Variants in CEP126 observed in about 807,000 individuals in gnomAD.
CEP126 encodes the protein centrosomal protein of 126 kDa.
A neutral mutation model predicts 107.8 loss-of-function variants in CEP126; 74 were observed. The ratio of observed to expected loss-of-function variants is 0.69; its 90% CI spans 0.57 to 0.83. CEP126 has a LOEUF of 0.83. CEP126 is among the 40% of genes least tolerant of loss of function. CEP126 has a pLI of 0.00. For synonymous variants in CEP126, 449 were observed against 446.0 expected (o/e 1.01, Z -0.08); for missense variants, 1,237 against 1,281.9 (o/e 0.96, Z 0.53).
intron 2 of CEP126, 67 bp from the exon 3 acceptor site, chr11:101,944,198 G>T: frequency 7.4e-7 from 1 of 1,351,260 alleles, no homozygotes. Context: ...TAATAAATGC[G>T]TCATTTTGAA....
At chr11:101,924,019 A>G (rs1330693296) in intron 2 of CEP126, among the ~76,000 whole-genome samples, 2 of 152,184 alleles carry the variant, frequency 1.3e-5, no homozygotes, top group Non-Finnish European at 2.9e-5. Context: ...ATTTTACAAT[A>G]ATCAACTTTA....
chr11:101,948,207 C>A, intron 4 of CEP126, 65 bp downstream of exon 4: 1 of 952,664 alleles, frequency 1.0e-6, no homozygotes, highest in Non-Finnish European at 1.6e-6. Flanking sequence ...AGTTACTGTG[C>A]TTGTCAGCTT....
rs760281171 is a variant in CEP126, at chr11:101,961,722, A to G, written c.706-19A>G. On this transcript the variant is annotated intron_variant, in intron 5 of 10. Coordinates refer to ENST00000263468, the MANE Select transcript of CEP126 (RefSeq NM_020802.4). ...TTAAAAGTTTATAAGCTATAAAACA[A>G]TGTTCTTTTTTTTTCCAGAAATTTT... 1.7e-5 allele frequency: 23 copies of G among 1,358,178 alleles called. No individual in the cohort carries two copies. The highest frequency in any genetic ancestry group is 6.9e-5 in the East Asian group (3 of 43,174). The allele number at this position is 1,358,178 out of a possible 1,614,324, so 84.1% of individuals were successfully genotyped here. A position where few individuals can be genotyped will look rare whatever the true frequency, so the allele number is the denominator to read the frequency against.
rs759877416 is a variant in CEP126 at position 101,967,025 on chromosome 11, C to CTTT, written c.2845+3164_2845+3166dup. 3.3e-3 allele frequency among the ~76,000 whole-genome samples: 355 copies of CTTT among 107,046 alleles called. 4 individuals are homozygous for CTTT. Among genetic ancestry groups the CTTT allele is most frequent in the African/African-American group, 8.7e-3 (237 of 27,262 alleles). The allele number at this position is 107,046 out of a possible 152,430, so 70.2% of individuals were successfully genotyped here. On this transcript the variant is annotated intron_variant, in intron 6 of 10. Coordinates refer to ENST00000263468, the MANE Select transcript of CEP126 (RefSeq NM_020802.4). ...ATTCCAATTCATCATCTCTTTCTTT[C>CTTT]TTTTTTTTTTTTTTTTTTTTTGAGA...
rs555704042 is a variant in CEP126, at chr11:101,962,741, G to T, written c.1706G>T (p.Arg569Ile). ...AAAATGAAATACAACATCCATGAGA[G>T]AAATGGTGTGAGATTTCTTAAAAGT... ...HKKMKYNIHE[R>I]NGVRFLKSIL... The change falls in exon 6 of 11, where the codon AGA becomes ATA. Residue 569 changes from arginine to isoleucine, a missense_variant. By Grantham distance (97) the Arg-to-Ile change is moderately conservative. Transcript: ENST00000263468. 6.2e-7 allele frequency: 1 copy of T among 1,611,258 alleles called. No individual in the cohort carries two copies. The highest frequency in any genetic ancestry group is 2.2e-5 in the East Asian group (1 of 44,804).
intron 4 of CEP126, among the ~76,000 whole-genome samples, chr11:101,954,860 C>T (rs903671340): frequency 1.3e-5 from 2 of 152,042 alleles, no homozygotes; most frequent in African/African-American, 4.8e-5. Flanking sequence ...GGTTAATGGA[C>T]ATATTTTTAT....
chr11:101,983,153 C>A (rs1357766554), intron 8 of CEP126, among the ~76,000 whole-genome samples: 4 of 152,070 alleles, frequency 2.6e-5, no homozygotes, highest in African/African-American at 9.7e-5. Context: ...TTGAAAATAT[C>A]AAAAAGACCT....
At chr11:101,956,616 C>T (rs1027730901) in intron 4 of CEP126, 23 of 456,282 alleles carry the variant, frequency 5.0e-5, no homozygotes, top group African/African-American at 3.8e-4. Flanking sequence ...TCCTCTTCTT[C>T]GACTTCCTGT....
chr11:101,986,579 A>T (rs994834067), intron 8 of CEP126, among the ~76,000 whole-genome samples: 3 of 152,192 alleles, frequency 2.0e-5, no homozygotes, highest in African/African-American at 7.2e-5. Context: ...CTTTAGTTCA[A>T]GTAATACTCT....
intron 6 of CEP126, among the ~76,000 whole-genome samples, chr11:101,967,105 T>C (rs1403536393): frequency 6.7e-6 from 1 of 148,482 alleles, no homozygotes; most frequent in African/African-American, 2.5e-5. Context: ...CATGGCTCAG[T>C]GCAGCCTGGG....
At position 101,963,719 on chromosome 11, in the gene CEP126, C is replaced by G. The variant is rs1355447754; in HGVS notation, c.2684C>G (p.Thr895Ser). ...TFAKINHSNG[T>S]QAVARQDATL... ...GCAAAAATAAATCATTCAAATGGCA[C>G]TCAAGCAGTTGCCCGGCAAGATGCG... The change falls in exon 6 of 11, where the codon ACT becomes AGT. Residue 895 changes from threonine to serine, a missense_variant. This residue lies in a region of CEP126 where 1,134 missense variants were observed against 1,150.5 expected (regional missense o/e 0.99). Coordinates refer to ENST00000263468, the MANE Select transcript of CEP126 (RefSeq NM_020802.4). 1.9e-6 allele frequency: 3 copies of G among 1,614,058 alleles called. No homozygotes were observed. Among genetic ancestry groups the G allele is most frequent in the Non-Finnish European group, 2.5e-6 (3 of 1,180,006 alleles).
chr11:101,984,271 T>C (rs1591294159), intron 8 of CEP126, among the ~76,000 whole-genome samples: 1 of 152,172 alleles, frequency 6.6e-6, no homozygotes, highest in Non-Finnish European at 1.5e-5. Context: ...ACACAGGGAC[T>C]AAAGACACAA....
rs202039896 is a variant in CEP126, at chr11:101,953,399, TTTG to T, written c.507-4766_507-4764del. ...ATTGGTCCATAGAGAAGGAGAAGATTTTGTTAACCCTTTACTCACACACTAATA... is the reference window on the plus strand; with the variant it reads ...ATTGGTCCATAGAGAAGGAGAAGATTTTAACCCTTTACTCACACACTAATA... On this transcript the variant is annotated intron_variant, in intron 4 of 10. Transcript: ENST00000263468. 8.5e-3 allele frequency among the ~76,000 whole-genome samples: 1,301 copies of T among 152,290 alleles called. 20 individuals are homozygous for T. Among genetic ancestry groups the T allele is most frequent in the African/African-American group, 0.03 (1,249 of 41,548 alleles).
chr11:101,942,726 A>G (rs1940683172), intron 2 of CEP126, among the ~76,000 whole-genome samples: 1 of 151,968 alleles, frequency 6.6e-6, no homozygotes, highest in Admixed American at 6.6e-5. Context: ...TGTCATCTTA[A>G]CAATATCTTT....
Position 101,986,823 on chromosome 11 carries a change from T to C in CEP126, c.3035-9T>C. On this transcript the variant is annotated splice_polypyrimidine_tract_variant and intron_variant, in intron 8 of 10. Coordinates refer to ENST00000263468, the MANE Select transcript of CEP126 (RefSeq NM_020802.4). ...GGGTTCAAAGAATAACTGATGTAAG[T>C]TTCTGTAGTTTCAGATAGTACTTCT... 2 of 1,610,444 alleles carry C rather than the reference T, an allele frequency of 1.2e-6. No homozygotes were observed. Among genetic ancestry groups the C allele is most frequent in the South Asian group, 1.1e-5 (1 of 90,988 alleles).
intron 2 of CEP126, among the ~76,000 whole-genome samples, chr11:101,925,382 T>C (rs1940391243): frequency 6.6e-6 from 1 of 152,104 alleles, no homozygotes; most frequent in Admixed American, 6.5e-5. Context: ...TCACTCAACA[T>C]GGAGAATTCA....
chr11:101,989,914 C>T (rs1941358025), intron 9 of CEP126, among the ~76,000 whole-genome samples: 1 of 151,990 alleles, frequency 6.6e-6, no homozygotes, highest in Admixed American at 6.6e-5. Context: ...GAGCCGAGAT[C>T]GCGCCACTGC....
intron 4 of CEP126, among the ~76,000 whole-genome samples, chr11:101,954,987 G>C (rs1374223706): frequency 6.6e-6 from 1 of 152,020 alleles, no homozygotes; most frequent in African/African-American, 2.4e-5. Context: ...CAAGAAATAA[G>C]GGGCTTACAA....
At chr11:101,993,825 A>G (rs1376552051) in intron 10 of CEP126, among the ~76,000 whole-genome samples, 1 of 152,066 alleles carries the variant, frequency 6.6e-6, no homozygotes, top group Non-Finnish European at 1.5e-5. Flanking sequence ...GCTTTTTTTC[A>G]TATGCTTCTT....
Sources: gnomAD v4.1 joint callset for allele counts (sites outside exome capture counted in the v4.1 genomes callset) on GRCh38, gnomAD v4.1.1 for gene constraint, gnomAD v4.1.1 regional missense constraint, MANE v1.5 for transcripts, NCBI Gene and HGNC (gene_info 2026-07-23, HGNC 2026-07-21) for gene names.